SNAP23: variants seen among roughly 807,000 people sequenced by gnomAD.
SNAP23 encodes the protein synaptosome associated protein 23.
In SNAP23, 11 loss-of-function variants were observed where a neutral mutation model predicts 29.0. The ratio of observed to expected loss-of-function variants is 0.38; its 90% CI spans 0.24 to 0.63. SNAP23 has a LOEUF of 0.63. SNAP23 is among the 20% of genes least tolerant of loss of function. The probability of loss-of-function intolerance (pLI) is 0.58; values close to 1 mark genes in which losing one functional copy is unlikely to be tolerated. For missense variants in SNAP23, 220 were observed against 253.9 expected (o/e 0.87, Z 0.91); for synonymous variants, 60 against 82.9 (o/e 0.72, Z 1.50).
intron 2 of SNAP23, 43 bp downstream of exon 2, chr15:42,511,946 T>C: frequency 7.2e-7 from 1 of 1,390,296 alleles, no homozygotes; most frequent in East Asian, 2.4e-5. Context: ...CTATTTCAGT[T>C]TTCATATTGG....
intron 6 of SNAP23, 45 bp downstream of exon 6, chr15:42,528,465 GGT>G: frequency 6.3e-7 from 1 of 1,583,496 alleles, no homozygotes. Context: ...CTTAATGAAT[GGT>G]TCACTTAGGA....
chr15:42,512,191 A>G (rs2141524657), intron 2 of SNAP23: 1 of 190,864 alleles, frequency 5.2e-6, no homozygotes, highest in African/African-American at 2.3e-5. Context: ...CTATTTAACA[A>G]TTTCCTAATA....
At chr15:42,495,923 A>G (rs1567040584) in intron 1 of SNAP23, 1 of 152,294 alleles carries the variant, frequency 6.6e-6, no homozygotes, top group Non-Finnish European at 1.5e-5. Context: ...GAGGAAGGGT[A>G]GCTGGATGGT....
At chr15:42,514,670 A>G (rs954344018) in intron 4 of SNAP23, among the ~76,000 whole-genome samples, 5 of 151,124 alleles carry the variant, frequency 3.3e-5, no homozygotes. Flanking sequence ...ATCTCTAAAT[A>G]ACCGTCCCTT....
intron 5 of SNAP23, among the ~76,000 whole-genome samples, chr15:42,519,772 G>A (rs578230609): frequency 6.6e-6 from 1 of 151,998 alleles, no homozygotes; most frequent in Non-Finnish European, 1.5e-5. Flanking sequence ...CAAAGTGCTG[G>A]TATTACAGAA....
Position 42,515,360 on chromosome 15 carries a change from T to C in SNAP23, c.266+6T>C. The C allele has an allele frequency of 1.9e-6, 3 of 1,540,360 alleles. No individual in the cohort carries two copies. The highest frequency in any genetic ancestry group is 2.7e-6 in the Non-Finnish European group (3 of 1,120,252). On this transcript the variant is annotated splice_donor_region_variant and intron_variant, in intron 5 of 7. Transcript: ENST00000249647. The stretch of plus-strand genomic sequence containing the variant: ...TGTGTCTGCCCATGTAATAGGTGAG[T>C]TGATAAATTAAGATGGTTTCAAAAT...
At chr15:42,499,362 G>A (rs746568354) in intron 1 of SNAP23, among the ~76,000 whole-genome samples, 6 of 152,136 alleles carry the variant, frequency 3.9e-5, no homozygotes, top group Non-Finnish European at 7.3e-5. Context: ...GTGAGCCACC[G>A]CGCCCGGTCT....
At chr15:42,507,007 C>T (rs769882819) in intron 1 of SNAP23, among the ~76,000 whole-genome samples, 5 of 151,940 alleles carry the variant, frequency 3.3e-5, no homozygotes, top group Admixed American at 6.6e-5. Context: ...TTGTAGAGAA[C>T]GGGTCTCACT....
intron 7 of SNAP23, among the ~76,000 whole-genome samples, chr15:42,530,592 A>T (rs1196434401): frequency 6.6e-6 from 1 of 152,080 alleles, no homozygotes; most frequent in East Asian, 1.9e-4. Flanking sequence ...TACTAAAAAA[A>T]TTTAAAAATT....
chr15:42,515,400 C>A, intron 5 of SNAP23, 46 bp downstream of exon 5: 1 of 1,161,664 alleles, frequency 8.6e-7, no homozygotes, highest in Non-Finnish European at 1.3e-6. Flanking sequence ...AATGAGAGTA[C>A]CCCACCTTCT....
At chr15:42,512,811 A>G in intron 2 of SNAP23, 144 bp from the exon 3 acceptor site, 2 of 623,894 alleles carry the variant, frequency 3.2e-6, no homozygotes, top group South Asian at 2.0e-5. Flanking sequence ...CGGCCTCCCA[A>G]AGTGCTGGGA....
intron 4 of SNAP23, 117 bp from the exon 5 acceptor site, chr15:42,515,120 C>A: frequency 3.0e-6 from 2 of 661,546 alleles, no homozygotes; most frequent in Non-Finnish European, 5.4e-6. Context: ...CTGACATACT[C>A]ACTGTGGGGA....
chr15:42,521,819 G>T (rs2057452059), intron 5 of SNAP23: 4 of 425,288 alleles, frequency 9.4e-6, no homozygotes, highest in Non-Finnish European at 1.3e-5. Flanking sequence ...TTCTTGATGG[G>T]TGCTATCTCA....
Position 42,524,806 on chromosome 15 carries a change from T to C in SNAP23, c.267-3456T>C, listed in dbSNP as rs545933284. On this transcript the variant is annotated intron_variant, in intron 5 of 7. Transcript: ENST00000249647. The stretch of plus-strand genomic sequence containing the variant: ...ATTTATATTTGTGAACATTTTTTAT[T>C]TTATTAACTTAGATAAGCAGCTATC... 2.0e-5 allele frequency among the ~76,000 whole-genome samples: 3 copies of C among 152,320 alleles called. No homozygotes were observed. The South Asian group carries it at 6.2e-4, about 32-fold the overall frequency.
chr15:42,498,803 A>G lies in SNAP23; in HGVS notation c.-15+3090A>G, dbSNP rs182322027. 2.2e-4 allele frequency among the ~76,000 whole-genome samples: 33 copies of G among 152,036 alleles called. No individual in the cohort carries two copies. The East Asian group carries it at 3.5e-3, about 16-fold the overall frequency. On this transcript the variant is annotated intron_variant, in intron 1 of 7. Transcript: ENST00000249647. ...TAAGAGAAACACCTTACATTGCCATACTCCTTTGACAGGTCATGTGAAAGT... is the reference window on the plus strand; with the variant it reads ...TAAGAGAAACACCTTACATTGCCATGCTCCTTTGACAGGTCATGTGAAAGT...
chr15:42,518,534 G>A (rs1307839401), intron 5 of SNAP23, among the ~76,000 whole-genome samples: 1 of 148,322 alleles, frequency 6.7e-6, no homozygotes, highest in East Asian at 2.0e-4. Flanking sequence ...ATCCTCCAGC[G>A]TCAGCCTCCT....
chr15:42,491,337 C>A (rs2057161334), upstream of SNAP23: 1 of 152,434 alleles, frequency 6.6e-6, no homozygotes, highest in Non-Finnish European at 1.5e-5. Context: ...CCTCCCTGGT[C>A]CCTTTTTCAT....
At chr15:42,522,291 T>C (rs1026435786) in intron 5 of SNAP23, among the ~76,000 whole-genome samples, 14 of 152,212 alleles carry the variant, frequency 9.2e-5, no homozygotes, top group African/African-American at 3.4e-4. Flanking sequence ...AAATAAGGGT[T>C]TCCCCTCTAC....
chr15:42,521,678 G>A (rs1025569308), intron 5 of SNAP23: 83 of 1,213,800 alleles, frequency 6.8e-5, no homozygotes, highest in East Asian at 2.0e-4. Context: ...GTCTTGTGGC[G>A]CAGTTTGGGC....
Sources: gnomAD v4.1 joint callset for allele counts (sites outside exome capture counted in the v4.1 genomes callset) on GRCh38, gnomAD v4.1.1 for gene constraint, MANE v1.5 for transcripts, NCBI Gene and HGNC (gene_info 2026-07-23, HGNC 2026-07-21) for gene names.